The following COL1A2 variants were observed in gnomAD, a reference collection of about 807,000 sequenced individuals.
COL1A2 encodes collagen type I alpha 2 chain.
COL1A2 carries 49 observed loss-of-function variants against 174.3 expected under a neutral mutation model. The ratio of observed to expected loss-of-function variants is 0.28; its 90% CI spans 0.22 to 0.36. COL1A2 has a LOEUF of 0.36. Ranked by LOEUF, COL1A2 falls within the 10% of genes least tolerant of loss-of-function variation. The pLI, the probability that COL1A2 is intolerant of heterozygous loss-of-function variation, is 1.00. For missense variants in COL1A2, 1,438 were observed against 1,822.7 expected (o/e 0.79, Z 3.84); for synonymous variants, 655 against 606.6 (o/e 1.08, Z -1.17).
rs548761767 is a variant in COL1A2 at position 94,427,629 on chromosome 7, C to T, written c.3270C>T (p.Gly1090=). ...CTATCTCACTTTCACCTTTGCAGGG[C>T]CCCCCTGGTCCCCCTGGCCCTCCTG... The part of the protein sequence containing the change: ...RGPQGHQGPA[G]PPGPPGPPGP... The change falls in exon 49 of 52, where the codon GGC becomes GGT. Residue 1090 remains glycine, a splice_region_variant and synonymous_variant. Transcript: ENST00000297268. 7 of 1,613,830 alleles carry T rather than the reference C, an allele frequency of 4.3e-6. No homozygotes were observed. Among genetic ancestry groups the T allele is most frequent in the Admixed American group, 3.3e-5 (2 of 60,018 alleles).
At chr7:94,417,660 A>G (rs1360497654) in intron 31 of COL1A2, 64 bp from the exon 32 acceptor site, 1 of 1,361,324 alleles carries the variant, frequency 7.3e-7, no homozygotes, top group East Asian at 2.5e-5. Flanking sequence ...GAATTCTTCT[A>G]GAGTTTGATT....
rs144133431 is a variant in COL1A2 at position 94,430,339 on chromosome 7, C to G, written c.4047C>G (p.Ile1349Met). ...TCCTTGATATTGCACCTTTGGACAT[C>G]GGTGGTGCTGACCAGGAATTCTTTG... ...LPFLDIAPLD[I>M]GGADQEFFVD... Residue 1349 changes from isoleucine to methionine, a missense_variant, in exon 52 of 52, where the codon ATC (isoleucine) becomes ATG (methionine). Physicochemically the swap from Ile to Met is conservative, Grantham distance 10. Around this residue, in one of 3 missense-constraint regions of COL1A2, gnomAD observed 290 missense variants for 298.1 expected, o/e 0.97. Transcript: ENST00000297268. The G allele has an allele frequency of 2.5e-5, 41 of 1,614,012 alleles. No individual in the cohort carries two copies. Among genetic ancestry groups the G allele is most frequent in the Non-Finnish European group, 3.5e-5 (41 of 1,179,924 alleles).
At chr7:94,411,211 G>C in intron 23 of COL1A2, 57 bp downstream of exon 23, 1 of 1,320,690 alleles carries the variant, frequency 7.6e-7, no homozygotes, top group Non-Finnish European at 1.1e-6. Context: ...CTTCTTTAAA[G>C]GGTTGGTTAA....
chr7:94,428,253 A>C, intron 49 of COL1A2, 40 bp from the exon 50 acceptor site: 4 of 1,477,128 alleles, frequency 2.7e-6, no homozygotes, highest in Non-Finnish European at 3.8e-6. Flanking sequence ...TGTTCTGCTC[A>C]ATGAGAAGTT....
rs1800228 is a variant in COL1A2 at position 94,408,777 on chromosome 7, T to C, written c.746T>C (p.Ile249Thr). 1.2e-6 allele frequency: 2 copies of C among 1,613,476 alleles called. No homozygotes were observed. The highest frequency in any genetic ancestry group is 1.3e-5 in the African/African-American group (1 of 74,780). The change falls in exon 16 of 52, where the codon ATT (isoleucine) becomes ACT (threonine). Residue 249 changes from isoleucine (I) to threonine (T), a missense_variant. Ile to Thr is a moderately conservative substitution (Grantham distance 89). Around this residue, in one of 3 missense-constraint regions of COL1A2, gnomAD observed 867 missense variants for 1,213.7 expected, o/e 0.71. Coordinates refer to ENST00000297268, the MANE Select transcript of COL1A2 (RefSeq NM_000089.4). ...SVGPVGPAGP[I>T]GSAGPPGFPG... Reference sequence around the variant, plus strand: ...CTTCTGCTTTGATTTCAGGGTCCCATTGGGTCTGCTGGCCCTCCAGGCTTC... The same window carrying C: ...CTTCTGCTTTGATTTCAGGGTCCCACTGGGTCTGCTGGCCCTCCAGGCTTC...
intron 15 of COL1A2, 61 bp from the exon 16 acceptor site, chr7:94,408,709 T>G: frequency 2.6e-6 from 4 of 1,561,622 alleles, no homozygotes; most frequent in Non-Finnish European, 3.5e-6. Context: ...CTTCTGCCAT[T>G]GTTATTGTTT....
At position 94,394,956 on chromosome 7, in the gene COL1A2, C is replaced by A; in HGVS notation, c.-76C>A. The A allele has an allele frequency of 7.6e-7, 1 of 1,315,932 alleles. No homozygotes were observed. The highest frequency in any genetic ancestry group is 1.1e-6 in the Non-Finnish European group (1 of 910,352). 81.5% of individuals were successfully genotyped at this position (1,315,932 alleles called of 1,614,324 possible). ...GGTACTGGCCACGACTGCATGCCCG[C>A]GCCCGCCAGGTGATACCTCCGCCGG... On this transcript the variant is annotated 5_prime_UTR_variant, in exon 1 of 52. Transcript: ENST00000297268.
In COL1A2 at chr7:94,425,663, G is replaced by A. The variant is rs1314297984; in HGVS notation, c.2835G>A (p.Lys945=). ...PPGRDGQPGH[K]GERGYPGNIG... ...GTCGCGATGGTCAACCCGGACACAA[G>A]GTCAGTACACTTTTCATCTTTCTCT... The change falls in exon 43 of 52, where the codon AAG becomes AAA. Residue 945 remains lysine (K), a splice_region_variant and synonymous_variant. Transcript: ENST00000297268. 1.2e-6 allele frequency: 2 copies of A among 1,614,114 alleles called. No homozygotes were observed. Among genetic ancestry groups the A allele is most frequent in the Non-Finnish European group, 8.5e-7 (1 of 1,180,014 alleles).
Position 94,429,334 on chromosome 7 carries a change from G to GA in COL1A2, c.3863dup (p.Ala1289GlyfsTer8). The GA allele has an allele frequency of 6.2e-7, 1 of 1,614,008 alleles. No homozygotes were observed. The highest frequency in any genetic ancestry group is 8.5e-7 in the Non-Finnish European group (1 of 1,179,966). ...ACATGGATGAGGAGACTGGCAACCT[G>GA]AAAAAGGCTGTCATTCTACAGGGCT... On this transcript the variant is annotated frameshift_variant, in exon 51 of 52. Transcript: ENST00000297268. LOFTEE classifies it high-confidence loss of function.
At chr7:94,427,974 A>G in intron 49 of COL1A2, 89 bp downstream of exon 49, 1 of 1,387,862 alleles carries the variant, frequency 7.2e-7, no homozygotes, top group Non-Finnish European at 1.0e-6. Context: ...GTGAAAATGC[A>G]TTTGGGTAAA....
Position 94,404,928 on chromosome 7 carries a change from T to C in COL1A2, c.432+36T>C, listed in dbSNP as rs199798049. On this transcript the variant is annotated intron_variant, in intron 9 of 51. Transcript: ENST00000297268. Reference sequence around the variant, plus strand: ...ACTCTTAAGCACTTTCAAAATGCTATTTAAATACTCTTGCCTCAACAAGAT... The same window carrying C: ...ACTCTTAAGCACTTTCAAAATGCTACTTAAATACTCTTGCCTCAACAAGAT... The C allele has an allele frequency of 3.6e-3, 5,832 of 1,608,828 alleles. 41 individuals are homozygous for C. The highest frequency in any genetic ancestry group is 0.019 in the Middle Eastern group (117 of 6,040).
At position 94,394,961 on chromosome 7, in the gene COL1A2, G is replaced by T; in HGVS notation, c.-71G>T. ...TGGCCACGACTGCATGCCCGCGCCC[G>T]CCAGGTGATACCTCCGCCGGTGACC... On this transcript the variant is annotated 5_prime_UTR_variant, in exon 1 of 52. Transcript: ENST00000297268. The T allele has an allele frequency of 4.3e-6, 6 of 1,402,620 alleles. No homozygotes were observed. The South Asian group carries it at 6.9e-5, about 16-fold the overall frequency. 86.9% of individuals were successfully genotyped at this position (1,402,620 alleles called of 1,614,324 possible).
intron 26 of COL1A2, 122 bp downstream of exon 26, chr7:94,413,258 C>T (rs757835136): frequency 1.3e-4 from 132 of 997,572 alleles, no homozygotes; most frequent in Admixed American, 1.2e-3. Flanking sequence ...CCCAGGGGTC[C>T]TTTTACTATC....
chr7:94,409,952 T>A (rs1791883753), intron 19 of COL1A2, 131 bp downstream of exon 19: 1 of 919,350 alleles, frequency 1.1e-6, no homozygotes, highest in East Asian at 2.6e-5. Flanking sequence ...TAGTTTATAT[T>A]TCTTATATAT....
Position 94,427,735 on chromosome 7 carries a change from C to G in COL1A2, c.3376C>G (p.Pro1126Ala), listed in dbSNP as rs571093429. The change falls in exon 49 of 52, where the codon CCT (proline) becomes GCT (alanine). Residue 1126 changes from proline to alanine, a missense_variant. Physicochemically the swap from Pro to Ala is conservative, Grantham distance 27. Around this residue, in one of 3 missense-constraint regions of COL1A2, gnomAD observed 290 missense variants for 298.1 expected, o/e 0.97. Coordinates refer to ENST00000297268, the MANE Select transcript of COL1A2 (RefSeq NM_000089.4). ...FYRADQPRSA[P>A]SLRPKDYEVD... ...CAGGGCTGACCAGCCTCGCTCAGCACCTTCTCTCAGACCCAAGGACTATGA... is the reference window on the plus strand; with the variant it reads ...CAGGGCTGACCAGCCTCGCTCAGCAGCTTCTCTCAGACCCAAGGACTATGA... 1.9e-6 allele frequency: 3 copies of G among 1,614,132 alleles called. No individual in the cohort carries two copies. Among genetic ancestry groups the G allele is most frequent in the Non-Finnish European group, 2.5e-6 (3 of 1,180,032 alleles).
At chr7:94,424,203 G>A in intron 40 of COL1A2, 133 bp from the exon 41 acceptor site, 1 of 725,352 alleles carries the variant, frequency 1.4e-6, no homozygotes, top group East Asian at 2.7e-5. Context: ...AGATATCCAA[G>A]GATATGTCCT....
rs756659600 is a variant in COL1A2 at position 94,400,243 on chromosome 7, C to T, written c.180C>T (p.Gly60=). 1.9e-6 allele frequency: 3 copies of T among 1,612,442 alleles called. No individual in the cohort carries two copies. Among genetic ancestry groups the T allele is most frequent in the Non-Finnish European group, 2.5e-6 (3 of 1,179,866 alleles). The change falls in exon 5 of 52, where the codon GGC becomes GGT. Residue 60 remains glycine, a synonymous_variant. Coordinates refer to ENST00000297268, the MANE Select transcript of COL1A2 (RefSeq NM_000089.4). ...GAGATGGTGAAGATGGTCCCACAGG[C>T]CCTCCTGGTCCACCTGGTCCTCCTG... is the stretch of plus-strand genomic sequence containing the variant. The part of the protein sequence containing the change: ...PGRDGEDGPT[G]PPGPPGPPGP...
chr7:94,408,987 T>C (rs1245558548), intron 16 of COL1A2, among the ~76,000 whole-genome samples, 164 bp downstream of exon 16: 1 of 152,200 alleles, frequency 6.6e-6, no homozygotes, highest in African/African-American at 2.4e-5. Context: ...CACTCTACAT[T>C]TGAAATAGAT....
intron 26 of COL1A2, 65 bp from the exon 27 acceptor site, chr7:94,413,625 C>G: frequency 6.8e-7 from 1 of 1,464,946 alleles, no homozygotes; most frequent in Non-Finnish European, 9.6e-7. Flanking sequence ...ATACCTGAGG[C>G]TTTGAGACAT....
Sources: allele counts gnomAD v4.1 joint callset (sites outside exome capture counted in the v4.1 genomes callset), GRCh38; gene constraint gnomAD v4.1.1; regional missense constraint gnomAD v4.1.1; transcripts MANE v1.5; gene names NCBI Gene and HGNC (gene_info 2026-07-23, HGNC 2026-07-21).